EYS: variants seen among roughly 807,000 people sequenced by gnomAD.
EYS encodes the protein EGF-like photoreceptor maintenance factor.
EYS carries 250 observed loss-of-function variants against 282.1 expected under a neutral mutation model. That is an observed-to-expected ratio of 0.89 (90% CI 0.80 to 0.98). EYS has a LOEUF of 0.98. EYS is among the 50% of genes least tolerant of loss of function. The probability of loss-of-function intolerance (pLI) is 0.00; values close to 1 mark genes in which losing one functional copy is unlikely to be tolerated. For missense variants in EYS, 4,016 were observed against 3,709.0 expected (o/e 1.08, Z -2.15); for synonymous variants, 1,355 against 1,282.9 (o/e 1.06, Z -1.20).
chr6:65,482,098 A>G (rs1765629119), intron 5 of EYS, among the ~76,000 whole-genome samples: 1 of 152,184 alleles, frequency 6.6e-6, no homozygotes. Flanking sequence ...CTGTGTTTGG[A>G]AATAACAGTC....
chr6:64,123,465 G>A (rs189233466), intron 31 of EYS, among the ~76,000 whole-genome samples: 23 of 152,216 alleles, frequency 1.5e-4, no homozygotes, highest in Non-Finnish European at 2.6e-4. Flanking sequence ...GTAAATGAAC[G>A]CCGGAAAATA....
In EYS at chr6:65,402,606, C is replaced by T. The variant is rs776564041; in HGVS notation, c.1057-1G>A. The T allele has an allele frequency of 5.1e-6, 8 of 1,568,102 alleles. No homozygotes were observed. The East Asian group carries it at 1.4e-4, about 27-fold the overall frequency. ...TTGGTGAACAGATGCACATAACATC[C>T]TAGGAAAGATTAAAAAAATATTTTT... On this transcript the variant is annotated splice_acceptor_variant, in intron 6 of 42. Transcript: ENST00000503581. LOFTEE classifies it high-confidence loss of function.
At chr6:65,517,690 G>A (rs1204517503) in intron 2 of EYS, among the ~76,000 whole-genome samples, 1 of 151,972 alleles carries the variant, frequency 6.6e-6, no homozygotes, top group Non-Finnish European at 1.5e-5. Flanking sequence ...TTTAAGAATA[G>A]TAGTATGAAA....
At chr6:65,010,217 A>T (rs767559043) in intron 13 of EYS, among the ~76,000 whole-genome samples, 2 of 152,236 alleles carry the variant, frequency 1.3e-5, no homozygotes, top group Non-Finnish European at 2.9e-5. Flanking sequence ...AAACTGATGT[A>T]GTGGCAAGGG....
chr6:64,971,744 T>G (rs1354212931), intron 14 of EYS, among the ~76,000 whole-genome samples: 1 of 152,150 alleles, frequency 6.6e-6, no homozygotes, highest in Non-Finnish European at 1.5e-5. Flanking sequence ...TAAGAATATT[T>G]AAGGTTAATT....
At chr6:65,529,332 C>A (rs1199743738) in intron 2 of EYS, among the ~76,000 whole-genome samples, 1 of 152,034 alleles carries the variant, frequency 6.6e-6, no homozygotes, top group East Asian at 1.9e-4. Flanking sequence ...GCTTGTATCA[C>A]CTAAAGCAAA....
At chr6:65,313,842 C>T (rs1012426935) in intron 11 of EYS, among the ~76,000 whole-genome samples, 1 of 152,122 alleles carries the variant, frequency 6.6e-6, no homozygotes. Context: ...TAAGTCAGAG[C>T]ATGTTAGTTA....
Position 64,071,002 on chromosome 6 carries a change from G to C in EYS, c.6572-4511C>G, listed in dbSNP as rs547850588. Reference sequence around the variant, plus strand: ...ATACACTCGGAGTATCCCTGTGTGAGAGCTTACCTCCACTTAAAAGGAAAA... The same window carrying C: ...ATACACTCGGAGTATCCCTGTGTGACAGCTTACCTCCACTTAAAAGGAAAA... On this transcript the variant is annotated intron_variant, in intron 32 of 42. Transcript: ENST00000503581. Among the ~76,000 whole-genome samples the C allele has an allele frequency of 4.6e-5, 7 of 152,080 alleles. No individual in the cohort carries two copies. In the South Asian group the frequency reaches 1.5e-3, roughly 32 times the overall value.
chr6:65,677,940 T>A (rs1453590028), intron 1 of EYS, among the ~76,000 whole-genome samples: 1 of 152,042 alleles, frequency 6.6e-6, no homozygotes, highest in Non-Finnish European at 1.5e-5. Flanking sequence ...AAGGATAGTA[T>A]CTGTGTTAGT....
intron 28 of EYS, among the ~76,000 whole-genome samples, chr6:64,393,704 C>G (rs1420369821): frequency 6.6e-6 from 1 of 151,282 alleles, no homozygotes; most frequent in Non-Finnish European, 1.5e-5. Flanking sequence ...TGGAAGCATT[C>G]CCTTTGAAAA....
chr6:64,085,332 G>T (rs1363540812), intron 31 of EYS, among the ~76,000 whole-genome samples: 1 of 72,074 alleles, frequency 1.4e-5, no homozygotes, highest in Admixed American at 1.3e-4. Context: ...GCGTGCGCAC[G>T]TGCGCGCGCA....
chr6:65,629,692 T>C (rs1241236456), intron 2 of EYS, among the ~76,000 whole-genome samples: 1 of 152,092 alleles, frequency 6.6e-6, no homozygotes, highest in East Asian at 1.9e-4. Flanking sequence ...AAGACGGCCT[T>C]CAGGTTTCCT....
chr6:64,245,310 T>C (rs1327463709), intron 30 of EYS, among the ~76,000 whole-genome samples: 2 of 143,704 alleles, frequency 1.4e-5, no homozygotes, highest in Non-Finnish European at 3.1e-5. Flanking sequence ...TTTTTGTTTT[T>C]TGTGGGTGTT....
intron 36 of EYS, among the ~76,000 whole-genome samples, chr6:63,830,082 C>G (rs192725984): frequency 3.7e-4 from 56 of 152,248 alleles, no homozygotes; most frequent in African/African-American, 1.3e-3. Context: ...CATCAAAGAC[C>G]AAAGGTAGAT....
intron 26 of EYS, among the ~76,000 whole-genome samples, chr6:64,493,765 A>G (rs950038991): frequency 6.6e-6 from 1 of 151,518 alleles, no homozygotes; most frequent in African/African-American, 2.4e-5. Context: ...TTCAGACTGG[A>G]CTCAACATCA....
intron 31 of EYS, among the ~76,000 whole-genome samples, chr6:64,102,105 T>G (rs1263985242): frequency 2.0e-5 from 3 of 152,128 alleles, no homozygotes; most frequent in Non-Finnish European, 4.4e-5. Flanking sequence ...CACTCCACAC[T>G]GATACCATGG....
At chr6:64,674,195 T>C (rs562939446) in intron 22 of EYS, among the ~76,000 whole-genome samples, 2 of 152,216 alleles carry the variant, frequency 1.3e-5, no homozygotes, top group East Asian at 1.9e-4. Flanking sequence ...ATCTCTTTTA[T>C]TGGCAGAGGA....
intron 22 of EYS, among the ~76,000 whole-genome samples, chr6:64,646,774 C>T (rs1324529154): frequency 2.0e-5 from 3 of 151,032 alleles, no homozygotes; most frequent in Non-Finnish European, 2.9e-5. Context: ...CACTGCACTC[C>T]AGCTCTGGCG....
chr6:64,592,415 T>A (rs192379669), intron 25 of EYS, among the ~76,000 whole-genome samples: 47 of 152,268 alleles, frequency 3.1e-4, no homozygotes, highest in Non-Finnish European at 5.0e-4. Flanking sequence ...GATAACACCA[T>A]ATTTCAATTT....
Sources: allele counts gnomAD v4.1 joint callset (sites outside exome capture counted in the v4.1 genomes callset), GRCh38; gene constraint gnomAD v4.1.1; transcripts MANE v1.5; gene names NCBI Gene and HGNC (gene_info 2026-07-23, HGNC 2026-07-21).